CELF2: variants seen among roughly 807,000 people sequenced by gnomAD.
CELF2 encodes the protein CUGBP Elav-like family member 2, also known as CUG triplet repeat RNA-binding protein 2.
CELF2 carries 8 observed loss-of-function variants against 62.6 expected under a neutral mutation model. The observed-to-expected ratio is 0.13, with a 90% confidence interval of 0.07 to 0.23. CELF2 has a LOEUF of 0.23. Ranked by LOEUF, CELF2 falls within the 10% of genes least tolerant of loss-of-function variation. The probability of loss-of-function intolerance (pLI) is 1.00; values close to 1 mark genes in which losing one functional copy is unlikely to be tolerated. For missense variants in CELF2, 333 were observed against 671.0 expected, an observed-to-expected ratio of 0.50 and a Z score of 5.56; for synonymous variants, 258 against 250.0, an observed-to-expected ratio of 1.03 and a Z score of -0.30.
At position 11,186,163 on chromosome 10, in the gene CELF2, A is replaced by G. The variant is rs149632814; in HGVS notation, c.271+20481A>G. ...CTTCTAATGTCTTCAAAATCTACAC[A>G]TAAAGACAGTTCTACTTGTCATGTC... On this transcript the variant is annotated intron_variant, in intron 2 of 12. Coordinates refer to ENST00000633077, the MANE Select transcript of CELF2 (RefSeq NM_001326342.2). Among the ~76,000 whole-genome samples, 6 of 152,306 alleles carry G rather than the reference A, an allele frequency of 3.9e-5. No individual in the cohort carries two copies. The East Asian group carries it at 1.2e-3, about 29-fold the overall frequency.
the CELF2 span, among the ~76,000 whole-genome samples, chr10:10,641,672 C>A: frequency 6.6e-6 from 1 of 152,228 alleles, no homozygotes; most frequent in Admixed American, 6.5e-5. Context: ...TGGTCTCACA[C>A]TCCTGACCTC....
At chr10:10,554,140 G>C in the CELF2 span, among the ~76,000 whole-genome samples, 1 of 152,064 alleles carries the variant, frequency 6.6e-6, no homozygotes, top group African/African-American at 2.4e-5. Flanking sequence ...ATATAAGAGT[G>C]ATAAGGGGGG....
At chr10:10,665,407 T>C in the CELF2 span, among the ~76,000 whole-genome samples, 2 of 152,284 alleles carry the variant, frequency 1.3e-5, no homozygotes, top group African/African-American at 4.8e-5. Context: ...TCCATAAATA[T>C]ATATATATAA....
At chr10:11,200,858 A>G (rs1018530425) in intron 2 of CELF2, among the ~76,000 whole-genome samples, 4 of 152,234 alleles carry the variant, frequency 2.6e-5, no homozygotes, top group Non-Finnish European at 5.9e-5. Context: ...GTCGCACCGT[A>G]CAAGTTGTTT....
intron 1 of CELF2, among the ~76,000 whole-genome samples, chr10:10,836,074 G>A (rs910013682): frequency 1.3e-5 from 2 of 152,194 alleles, no homozygotes; most frequent in African/African-American, 4.8e-5. Context: ...GGAGTCCCAT[G>A]GACAGCTGTG....
upstream of CELF2, among the ~76,000 whole-genome samples, chr10:11,016,438 C>A (rs1376884560): frequency 6.6e-6 from 1 of 152,136 alleles, no homozygotes; most frequent in Non-Finnish European, 1.5e-5. This position sits in a 1 kb window ranked among gnomAD's most constrained non-coding sequence, Gnocchi z 5.2. Context: ...AGAAGGCAAC[C>A]AAGTCCATTA....
chr10:10,484,994 C>A, the CELF2 span, among the ~76,000 whole-genome samples: 1 of 152,026 alleles, frequency 6.6e-6, no homozygotes, highest in African/African-American at 2.4e-5. Flanking sequence ...TACTTTATAT[C>A]TCTTTATGTA....
the CELF2 span, among the ~76,000 whole-genome samples, chr10:10,681,940 C>T: frequency 6.6e-6 from 1 of 152,092 alleles, no homozygotes; most frequent in South Asian, 2.1e-4. Flanking sequence ...AAACATTTGA[C>T]CCAAACAACT....
intron 5 of CELF2, 95 bp from the exon 6 acceptor site, chr10:11,266,503 C>A: frequency 1.2e-6 from 1 of 807,226 alleles, no homozygotes; most frequent in Non-Finnish European, 2.1e-6. Flanking sequence ...CGTCTTGTGG[C>A]AGTTCTCGTA....
chr10:11,292,446 G>T (rs994360589), intron 9 of CELF2, among the ~76,000 whole-genome samples: 3 of 152,186 alleles, frequency 2.0e-5, no homozygotes, highest in Non-Finnish European at 4.4e-5. Context: ...GGGCTTTGTC[G>T]CCACCTTCAA....
chr10:10,744,856 C>A, the CELF2 span, among the ~76,000 whole-genome samples: 1 of 151,912 alleles, frequency 6.6e-6, no homozygotes, highest in South Asian at 2.1e-4. Context: ...GATTTTCCCA[C>A]CCAAATCCCC....
At chr10:11,132,789 C>T (rs1465372325) in intron 1 of CELF2, among the ~76,000 whole-genome samples, 2 of 152,276 alleles carry the variant, frequency 1.3e-5, no homozygotes, top group African/African-American at 4.8e-5. Flanking sequence ...AAAACAGGGC[C>T]ACCAAATGGA....
the CELF2 span, among the ~76,000 whole-genome samples, chr10:10,755,855 G>T: frequency 6.6e-6 from 1 of 152,176 alleles, no homozygotes; most frequent in Non-Finnish European, 1.5e-5. Flanking sequence ...GAGAATGGAT[G>T]CCAGACGCAC....
Position 10,993,994 on chromosome 10 carries a change from C to T in CELF2, c.89+73995C>T, listed in dbSNP as rs2053689892. ...AAACCAAACCTGCTGTCACCTTGAT[C>T]TTGACTTCCAGCCTCCAGAACTGTG... On this transcript the variant is annotated intron_variant, in intron 2 of 13. Coordinates refer to the CELF2 transcript ENST00000636488. The surrounding 1 kb of genome is among the most constrained non-coding windows in gnomAD (Gnocchi z 5.3). 6.6e-6 allele frequency among the ~76,000 whole-genome samples: 1 copy of T among 152,232 alleles called. No individual in the cohort carries two copies. The highest frequency in any genetic ancestry group is 2.4e-5 in the African/African-American group (1 of 41,464).
the CELF2 span, among the ~76,000 whole-genome samples, chr10:10,574,927 A>T: frequency 1.4e-5 from 2 of 142,274 alleles, no homozygotes. Context: ...CATGTTGGCC[A>T]GGCTGGTCTT....
the CELF2 span, among the ~76,000 whole-genome samples, chr10:10,621,488 T>C: frequency 2.0e-5 from 3 of 152,160 alleles, no homozygotes; most frequent in East Asian, 3.8e-4. Context: ...GAGACAATCA[T>C]GAGAGCCTCA....
chr10:11,054,647 T>A (rs144202431), intron 1 of CELF2, among the ~76,000 whole-genome samples: 4 of 152,236 alleles, frequency 2.6e-5, no homozygotes, highest in African/African-American at 9.6e-5. Context: ...CTGACTGATG[T>A]GAAACATGAA....
Position 11,185,966 on chromosome 10 carries a change from A to G in CELF2, c.271+20284A>G, listed in dbSNP as rs562430979. On this transcript the variant is annotated intron_variant, in intron 2 of 12. Transcript: ENST00000633077. ...TCATCACATAAGTCACCCAGACTTC[A>G]AGTTAACTATGTAAGAAGGTTTTTA... 7.2e-4 allele frequency among the ~76,000 whole-genome samples: 109 copies of G among 152,334 alleles called. 2 individuals are homozygous for G. In the South Asian group the frequency reaches 0.022, roughly 30 times the overall value.
the CELF2 span, among the ~76,000 whole-genome samples, chr10:10,694,845 T>A: frequency 6.6e-5 from 10 of 151,730 alleles, no homozygotes; most frequent in East Asian, 1.9e-3. Context: ...CCCTGCCTTT[T>A]TTTGTTTTCC....
Sources: gnomAD v4.1 joint callset for allele counts (sites outside exome capture counted in the v4.1 genomes callset) on GRCh38, gnomAD v4.1.1 for gene constraint, Gnocchi (gnomAD v3.1) non-coding constraint, MANE v1.5 for transcripts, NCBI Gene and HGNC (gene_info 2026-07-23, HGNC 2026-07-21) for gene names.